Variants in DCUN1D1 observed in about 807,000 individuals in gnomAD.
The protein encoded by DCUN1D1 is DCN1-like protein 1.
DCUN1D1 carries 3 observed loss-of-function variants against 39.0 expected under a neutral mutation model. The observed-to-expected ratio is 0.08, with a 90% confidence interval of 0.04 to 0.20. The LOEUF (loss-of-function observed/expected upper bound fraction) is 0.20, where lower values mean the gene tolerates loss of function less well. Among genes scored for constraint, DCUN1D1 ranks in the 10% least tolerant of loss-of-function variants. The pLI, the probability that DCUN1D1 is intolerant of heterozygous loss-of-function variation, is 1.00. For missense variants in DCUN1D1, 158 were observed against 302.4 expected (o/e 0.52, Z 3.54); for synonymous variants, 82 against 96.3 (o/e 0.85, Z 0.87).
At chr3:182,974,919 G>A (rs996045168) in intron 1 of DCUN1D1, among the ~76,000 whole-genome samples, 5 of 151,938 alleles carry the variant, frequency 3.3e-5, no homozygotes, top group South Asian at 2.1e-4. Context: ...GGGGGTGGGC[G>A]CACACCTAAA....
At chr3:182,976,444 TACACACACACACACACACACAC>T (rs59465164) in intron 1 of DCUN1D1, among the ~76,000 whole-genome samples, 4 of 140,684 alleles carry the variant, frequency 2.8e-5, no homozygotes, top group Admixed American at 7.1e-5. Flanking sequence ...TATACATACA[TACACACACACACACACACACAC>T]ACACACACAC....
intron 1 of DCUN1D1, among the ~76,000 whole-genome samples, chr3:182,977,990 A>T (rs930137063): frequency 6.6e-6 from 1 of 150,824 alleles, no homozygotes; most frequent in Non-Finnish European, 1.5e-5. Flanking sequence ...CAGTGAGCCA[A>T]GATTGCACCA....
intron 4 of DCUN1D1, among the ~76,000 whole-genome samples, chr3:182,951,978 G>A (rs1367726145): frequency 6.6e-6 from 1 of 152,074 alleles, no homozygotes; most frequent in Non-Finnish European, 1.5e-5. Context: ...TTACAGGTGT[G>A]AGCCACCACG....
Position 182,978,652 on chromosome 3 carries a change from G to T in DCUN1D1, c.3+1835C>A, listed in dbSNP as rs575060045. On this transcript the variant is annotated intron_variant, in intron 1 of 6. Transcript: ENST00000292782. ...GGTGACCCAGGGTGCTGGGATTACAGGCATGAGCCACCGTGCCCAGCCCCT... is the reference window on the plus strand; with the variant it reads ...GGTGACCCAGGGTGCTGGGATTACATGCATGAGCCACCGTGCCCAGCCCCT... Among the ~76,000 whole-genome samples, 4 of 152,306 alleles carry T rather than the reference G, an allele frequency of 2.6e-5. No homozygotes were observed. The South Asian group carries it at 8.3e-4, about 32-fold the overall frequency.
intron 4 of DCUN1D1, among the ~76,000 whole-genome samples, chr3:182,952,673 G>A (rs1010905733): frequency 6.6e-6 from 1 of 152,020 alleles, no homozygotes; most frequent in African/African-American, 2.4e-5. Context: ...GAAACCTTAG[G>A]TCATTACGAC....
chr3:182,948,637 C>T (rs1172098615), intron 4 of DCUN1D1, among the ~76,000 whole-genome samples: 2 of 152,154 alleles, frequency 1.3e-5, no homozygotes, highest in Non-Finnish European at 2.9e-5. Context: ...AAATTACATC[C>T]TAAGTAACTT....
chr3:182,957,816 T>C (rs1486411405), intron 4 of DCUN1D1, among the ~76,000 whole-genome samples: 3 of 146,220 alleles, frequency 2.1e-5, no homozygotes, highest in African/African-American at 7.7e-5. Flanking sequence ...CTTCCCTATA[T>C]AGTTCCAGCT....
At chr3:182,981,381 A>C (rs1357653991), upstream of DCUN1D1, among the ~76,000 whole-genome samples, 3 of 152,174 alleles carry the variant, frequency 2.0e-5, no homozygotes, top group East Asian at 5.8e-4. Flanking sequence ...TCCAGGTGTG[A>C]CCTGCCCTGG....
chr3:182,975,832 C>A (rs949392161), intron 1 of DCUN1D1, among the ~76,000 whole-genome samples: 2 of 140,420 alleles, frequency 1.4e-5, no homozygotes, highest in Non-Finnish European at 3.0e-5. Flanking sequence ...AATCGCTAAG[C>A]CTTCATTCCC....
At chr3:182,966,723 ATACCATCTT>A (rs1727686253) in intron 1 of DCUN1D1, among the ~76,000 whole-genome samples, 1 of 152,154 alleles carries the variant, frequency 6.6e-6, no homozygotes, top group African/African-American at 2.4e-5. Flanking sequence ...CCAAGCTCCA[ATACCATCTT>A]CTAGCAAAAT....
intron 1 of DCUN1D1, among the ~76,000 whole-genome samples, chr3:182,975,042 A>C (rs1490901909): frequency 6.6e-6 from 1 of 152,146 alleles, no homozygotes; most frequent in Non-Finnish European, 1.5e-5. Flanking sequence ...GAACAACTTA[A>C]TACTGAAATT....
chr3:182,955,546 C>A, intron 4 of DCUN1D1: 1 of 527,118 alleles, frequency 1.9e-6, no homozygotes. Flanking sequence ...TTTTACATGC[C>A]ACTCAAGAAC....
intron 4 of DCUN1D1, among the ~76,000 whole-genome samples, chr3:182,949,975 C>T (rs918269716): frequency 2.0e-5 from 3 of 152,148 alleles, no homozygotes; most frequent in Non-Finnish European, 2.9e-5. Context: ...ACAGAAGAAA[C>T]TCTCCTTTCT....
At chr3:182,945,590 C>A (rs561735586) in intron 6 of DCUN1D1, among the ~76,000 whole-genome samples, 1 of 148,940 alleles carries the variant, frequency 6.7e-6, no homozygotes, top group African/African-American at 2.6e-5. Context: ...GAGCGAGACT[C>A]CCTCTCAAAA....
At chr3:182,981,669 C>T (rs1015182016), upstream of DCUN1D1, among the ~76,000 whole-genome samples, 3 of 152,218 alleles carry the variant, frequency 2.0e-5, no homozygotes, top group African/African-American at 7.2e-5. Context: ...TTATCACCAT[C>T]ATCACCAGCA....
At chr3:182,957,064 T>C (rs1727111617) in intron 4 of DCUN1D1, among the ~76,000 whole-genome samples, 1 of 152,194 alleles carries the variant, frequency 6.6e-6, no homozygotes, top group African/African-American at 2.4e-5. Context: ...AATTTTAGCC[T>C]TTATCAGTGT....
At chr3:182,965,797 A>T in intron 1 of DCUN1D1, 44 bp from the exon 2 acceptor site, 1 of 1,288,096 alleles carries the variant, frequency 7.8e-7, no homozygotes, top group African/African-American at 1.5e-5. Flanking sequence ...GTAAAATCAC[A>T]TAAGACTAAA....
chr3:182,951,617 CAAAAAAAAA>C (rs748698621), intron 4 of DCUN1D1, among the ~76,000 whole-genome samples: 1 of 44,382 alleles, frequency 2.3e-5, no homozygotes, highest in South Asian at 1.6e-3. Context: ...CCCTGTCTCC[CAAAAAAAAA>C]AAAAAAAAAA....
intron 4 of DCUN1D1, among the ~76,000 whole-genome samples, chr3:182,949,333 A>G (rs1327727782): frequency 6.6e-6 from 1 of 152,212 alleles, no homozygotes; most frequent in Admixed American, 6.5e-5. Flanking sequence ...ACTGCACTCC[A>G]GCCTGGGCAA....
Sources: allele counts gnomAD v4.1 joint callset (sites outside exome capture counted in the v4.1 genomes callset), GRCh38; gene constraint gnomAD v4.1.1; transcripts MANE v1.5; gene names NCBI Gene and HGNC (gene_info 2026-07-23, HGNC 2026-07-21).